SHISA6: variants seen among roughly 807,000 people sequenced by gnomAD.
SHISA6 encodes the protein shisa family member 6, also known as protein shisa-6.
A neutral mutation model predicts 47.9 loss-of-function variants in SHISA6; 22 were observed. That is an observed-to-expected ratio of 0.46 (90% CI 0.33 to 0.66). The LOEUF (loss-of-function observed/expected upper bound fraction) is 0.66, where lower values mean the gene tolerates loss of function less well. SHISA6 is among the 30% of genes least tolerant of loss of function. SHISA6 has a pLI of 0.02. For synonymous variants in SHISA6, 388 were observed against 337.8 expected (o/e 1.15, Z -1.63); for missense variants, 680 against 764.6 (o/e 0.89, Z 1.30).
chr17:11,458,870 C>T lies in SHISA6; in HGVS notation c.895+79361C>T, dbSNP rs537494652. Among the ~76,000 whole-genome samples, 481 of 152,156 alleles carry T rather than the reference C, an allele frequency of 3.2e-3. 2 individuals carry two copies. The highest frequency in any genetic ancestry group is 0.011 in the African/African-American group (460 of 41,512). ...AACAGGCATAATCCCGGCCTGTTCC[C>T]ATCGTTGGGTAGTTGTGAGAATTAA... On this transcript the variant is annotated intron_variant, in intron 3 of 5. Coordinates refer to ENST00000441885, the MANE Select transcript of SHISA6 (RefSeq NM_207386.4).
chr17:11,343,000 G>T (rs1911589567), intron 2 of SHISA6, among the ~76,000 whole-genome samples: 1 of 152,168 alleles, frequency 6.6e-6, no homozygotes, highest in African/African-American at 2.4e-5. Flanking sequence ...ACCCACCAGT[G>T]CATGCGGCAG....
intron 2 of SHISA6, among the ~76,000 whole-genome samples, chr17:11,295,063 TACTGGACA>T (rs2142172541): frequency 6.6e-6 from 1 of 152,274 alleles, no homozygotes; most frequent in Non-Finnish European, 1.5e-5. Flanking sequence ...AGTGTGAAAA[TACTGGACA>T]AAGAGATGAT....
At chr17:11,384,360 A>C (rs1311869829) in intron 3 of SHISA6, among the ~76,000 whole-genome samples, 3 of 152,270 alleles carry the variant, frequency 2.0e-5, no homozygotes, top group Non-Finnish European at 4.4e-5. Context: ...GTCATAAAAA[A>C]GATAAGCCAG....
chr17:11,506,636 G>A (rs2071501239), intron 3 of SHISA6, among the ~76,000 whole-genome samples: 1 of 152,160 alleles, frequency 6.6e-6, no homozygotes, highest in African/African-American at 2.4e-5. Context: ...TTTTAGCCCA[G>A]AGGAGTACAA....
intron 2 of SHISA6, among the ~76,000 whole-genome samples, chr17:11,363,503 C>T (rs969617824): frequency 6.6e-6 from 1 of 152,150 alleles, no homozygotes; most frequent in South Asian, 2.1e-4. Context: ...TTCTAATTTT[C>T]CTCTCAGTTC....
At chr17:11,458,082 C>CAA (rs1915595477) in intron 3 of SHISA6, among the ~76,000 whole-genome samples, 1 of 109,840 alleles carries the variant, frequency 9.1e-6, no homozygotes, top group African/African-American at 4.8e-5. Context: ...GAGACTCTGT[C>CAA]TAAAAAAAAA....
intron 2 of SHISA6, among the ~76,000 whole-genome samples, chr17:11,370,285 C>T (rs1190799557): frequency 6.6e-6 from 1 of 152,108 alleles, no homozygotes; most frequent in Non-Finnish European, 1.5e-5. Flanking sequence ...TACCTGAAAG[C>T]CTATATAATA....
At chr17:11,306,013 C>A (rs1178469797) in intron 2 of SHISA6, among the ~76,000 whole-genome samples, 1 of 152,192 alleles carries the variant, frequency 6.6e-6, no homozygotes, top group South Asian at 2.1e-4. Flanking sequence ...ACATCTGCCA[C>A]CGTGCCCCAA....
chr17:11,558,423 G>A lies in SHISA6; in HGVS notation c.*119G>A, dbSNP rs1483002012. ...TTCCCTTGTCCCCTCTGTAGGAAGT[G>A]GGGGTGGGCCACCTTTGCCCAAAAA... On this transcript the variant is annotated 3_prime_UTR_variant, in exon 6 of 6. Coordinates refer to ENST00000441885, the MANE Select transcript of SHISA6 (RefSeq NM_207386.4). 1.6e-6 allele frequency: 2 copies of A among 1,214,554 alleles called. No individual in the cohort carries two copies. The highest frequency in any genetic ancestry group is 3.0e-5 in the African/African-American group (2 of 65,658). The allele number at this position is 1,214,554 out of a possible 1,614,324, so 75.2% of individuals were successfully genotyped here.
chr17:11,394,693 T>C (rs999599715), intron 3 of SHISA6, among the ~76,000 whole-genome samples: 4 of 152,058 alleles, frequency 2.6e-5, no homozygotes, highest in Non-Finnish European at 5.9e-5. Flanking sequence ...TTTTTTAATG[T>C]TTTTATTTAG....
At chr17:11,536,696 C>T (rs1295282485) in intron 3 of SHISA6, among the ~76,000 whole-genome samples, 2 of 152,112 alleles carry the variant, frequency 1.3e-5, no homozygotes, top group Admixed American at 1.3e-4. Context: ...CCAAGCCCAG[C>T]CCACCCTTGC....
At chr17:11,444,006 T>C (rs1915163684) in intron 3 of SHISA6, among the ~76,000 whole-genome samples, 1 of 152,090 alleles carries the variant, frequency 6.6e-6, no homozygotes, top group Non-Finnish European at 1.5e-5. Flanking sequence ...AAAAGAGGAA[T>C]AGAAAGATCA....
intron 2 of SHISA6, among the ~76,000 whole-genome samples, chr17:11,297,415 C>G (rs981205872): frequency 6.6e-6 from 1 of 152,092 alleles, no homozygotes; most frequent in Non-Finnish European, 1.5e-5. Flanking sequence ...AGGTTGTTCA[C>G]GAAGTTGGCC....
At chr17:11,447,343 G>A (rs1015759372) in intron 3 of SHISA6, among the ~76,000 whole-genome samples, 1 of 147,478 alleles carries the variant, frequency 6.8e-6, no homozygotes, top group East Asian at 1.9e-4. Flanking sequence ...GGCTATTGTC[G>A]AGTTCCCAAA....
At chr17:11,381,021 A>G (rs1468530530) in intron 3 of SHISA6, among the ~76,000 whole-genome samples, 7 of 152,246 alleles carry the variant, frequency 4.6e-5, no homozygotes, top group African/African-American at 1.2e-4. Context: ...TACTTTTGCA[A>G]TATCTTATTC....
intron 3 of SHISA6, among the ~76,000 whole-genome samples, chr17:11,452,024 G>A (rs1915414356): frequency 6.6e-6 from 1 of 152,226 alleles, no homozygotes; most frequent in Non-Finnish European, 1.5e-5. Context: ...CTGTGCAACT[G>A]CTTGACAAGG....
intron 2 of SHISA6, among the ~76,000 whole-genome samples, chr17:11,358,461 G>A (rs980225609): frequency 8.6e-5 from 13 of 151,734 alleles, no homozygotes; most frequent in East Asian, 1.9e-4. Context: ...TTGGGTTCAC[G>A]CCATTCTCCT....
chr17:11,297,590 T>C (rs1177140190), intron 2 of SHISA6, among the ~76,000 whole-genome samples: 1 of 152,158 alleles, frequency 6.6e-6, no homozygotes, highest in Non-Finnish European at 1.5e-5. Context: ...TCCCTTTCTT[T>C]CAAGTCATAT....
chr17:11,561,554 A>G lies in SHISA6; in HGVS notation c.*3250A>G, dbSNP rs9902387. 0.45 allele frequency: 67,961 copies of G among 151,988 alleles called. 16,706 individuals carry two copies. The highest frequency in any genetic ancestry group is 0.66 in the African/African-American group (27,457 of 41,478). 9.4% of individuals were successfully genotyped at this position (151,988 alleles called of 1,614,324 possible). Reference sequence around the variant, plus strand: ...GTGTCTTGGGAGTGTCTTGGGCCACACGACTGCCTCTTAGAAAGTTCCAAC... The same window carrying G: ...GTGTCTTGGGAGTGTCTTGGGCCACGCGACTGCCTCTTAGAAAGTTCCAAC... On this transcript the variant is annotated 3_prime_UTR_variant, in exon 6 of 6. Coordinates refer to ENST00000441885, the MANE Select transcript of SHISA6 (RefSeq NM_207386.4).
Sources: gnomAD v4.1 joint callset for allele counts (sites outside exome capture counted in the v4.1 genomes callset) on GRCh38, gnomAD v4.1.1 for gene constraint, MANE v1.5 for transcripts, NCBI Gene and HGNC (gene_info 2026-07-23, HGNC 2026-07-21) for gene names.